Variants in CROCC2 observed in about 807,000 individuals in gnomAD.
The protein encoded by CROCC2 is ciliary rootlet coiled-coil, rootletin family member 2.
A neutral mutation model predicts 177.6 loss-of-function variants in CROCC2; 163 were observed. That is an observed-to-expected ratio of 0.92 (90% confidence interval 0.81 to 1.05). The LOEUF is 1.05. Among genes scored for constraint, CROCC2 ranks in the 50% least tolerant of loss-of-function variants. The pLI is 0.00. For missense variants in CROCC2, 1,929 were observed against 1,797.8 expected (o/e 1.07, Z -1.32); for synonymous variants, 904 against 787.3 (o/e 1.15, Z -2.48).
rs779704821 is a variant in CROCC2, at chr2:240,949,496, T to A, written c.2483-37T>A. Reference sequence around the variant, plus strand: ...GTCCCAAAGGGTTCAGGGGTCCACATGCCAGGCCCTGGTGCATCTCACCCA... The same window carrying A: ...GTCCCAAAGGGTTCAGGGGTCCACAAGCCAGGCCCTGGTGCATCTCACCCA... On this transcript the variant is annotated intron_variant, in intron 16 of 31. Coordinates refer to ENST00000690015, the MANE Select transcript of CROCC2 (RefSeq NM_001351305.2). The surrounding 1 kb of genome is among the most constrained non-coding windows in gnomAD (Gnocchi z 4.5). 2.6e-4 allele frequency: 401 copies of A among 1,545,174 alleles called. No homozygotes were observed. The highest frequency in any genetic ancestry group is 3.3e-4 in the Non-Finnish European group (382 of 1,142,838).
Position 240,965,890 on chromosome 2 carries a change from G to A in CROCC2, c.3858G>A (p.Ala1286=), listed in dbSNP as rs545237489. 1.3e-4 allele frequency: 188 copies of A among 1,435,308 alleles called. No homozygotes were observed. The highest frequency in any genetic ancestry group is 1.1e-3 in the African/African-American group (74 of 69,298). The allele number at this position is 1,435,308 out of a possible 1,614,324, so 88.9% of individuals were successfully genotyped here. The change falls in exon 24 of 32, where the codon GCG becomes GCA. Residue 1286 remains alanine, a synonymous_variant. Transcript: ENST00000690015. Reference sequence around the variant, plus strand: ...AGGCTGAGGGTGCAAGGCAGGATGCGGAGGCCCAGCTGGGCCGGCTGTGCT... The same window carrying A: ...AGGCTGAGGGTGCAAGGCAGGATGCAGAGGCCCAGCTGGGCCGGCTGTGCT... The part of the protein sequence containing the change: ...LAQAEGARQD[A]EAQLGRLCST...
rs1445518474 is a variant in CROCC2 at position 240,932,719 on chromosome 2, C to T, written c.1062C>T (p.Ala354=). 14 of 830,818 alleles carry T rather than the reference C, an allele frequency of 1.7e-5. No homozygotes were observed. The highest frequency in any genetic ancestry group is 2.9e-5 in the Non-Finnish European group (14 of 489,360). The allele number at this position is 830,818 out of a possible 1,614,324, so 51.5% of individuals were successfully genotyped here. A position where few individuals can be genotyped will look rare whatever the true frequency, so the allele number is the denominator to read the frequency against. Reference sequence around the variant, plus strand: ...CCTTGAAGGTGGCCCAGGAGGACGCCCGGTGCCTGGAGCTGGCAGGTAGCA... The same window carrying T: ...CCTTGAAGGTGGCCCAGGAGGACGCTCGGTGCCTGGAGCTGGCAGGTAGCA... ...DLQNLVAQED[A]RCLELAGSSI... Residue 354 remains alanine, a synonymous_variant, in exon 9 of 32, where the codon GCC becomes GCT. Transcript: ENST00000690015.
chr2:240,993,157 G>A lies in CROCC2; in HGVS notation c.*76G>A. 1.4e-6 allele frequency: 1 copy of A among 704,484 alleles called. No individual in the cohort carries two copies. The highest frequency in any genetic ancestry group is 2.7e-6 in the Non-Finnish European group (1 of 376,730). 43.6% of individuals were successfully genotyped at this position (704,484 alleles called of 1,614,324 possible). On this transcript the variant is annotated 3_prime_UTR_variant, in exon 32 of 32. Transcript: ENST00000690015. The stretch of plus-strand genomic sequence containing the variant: ...CACCGCAGGTGGGAGGGGCCCAGCT[G>A]ATTTCTCAGCGTCACAGTGAAAGGC...
intron 14 of CROCC2, among the ~76,000 whole-genome samples, chr2:240,936,727 C>G (rs955598913): frequency 1.3e-5 from 2 of 152,238 alleles, no homozygotes; most frequent in Non-Finnish European, 2.9e-5. Context: ...AATTCTCTGC[C>G]TGAACCCTGC....
chr2:240,925,356 C>T (rs993432318), intron 4 of CROCC2, among the ~76,000 whole-genome samples: 2 of 152,138 alleles, frequency 1.3e-5, no homozygotes, highest in African/African-American at 4.8e-5. Context: ...ACTCCCTCTC[C>T]GCGTCACCCC....
Position 240,973,642 on chromosome 2 carries a change from G to A in CROCC2, c.4401+5380G>A, listed in dbSNP as rs528705181. Among the ~76,000 whole-genome samples, 29 of 152,124 alleles carry A rather than the reference G, an allele frequency of 1.9e-4. No individual in the cohort carries two copies. Among genetic ancestry groups the A allele is most frequent in the South Asian group, 1.0e-3 (5 of 4,822 alleles). ...TCAGTCACAGGTTCTAAAAGTTTCC[G>A]GGGTCCACATATGCCCACAGCTAGC... On this transcript the variant is annotated intron_variant, in intron 27 of 31. Coordinates refer to ENST00000690015, the MANE Select transcript of CROCC2 (RefSeq NM_001351305.2). This position sits in a 1 kb window ranked among gnomAD's most constrained non-coding sequence, Gnocchi z 4.7.
At chr2:240,935,101 T>C in intron 13 of CROCC2, 39 bp downstream of exon 13, 5 of 1,325,424 alleles carry the variant, frequency 3.8e-6, no homozygotes, top group Non-Finnish European at 4.9e-6. Context: ...CGCTGGAACC[T>C]GTTTCCCAGG....
In CROCC2 at chr2:240,933,787, G is replaced by T; in HGVS notation, c.1581G>T (p.Leu527=). ...EAAELQRSLL[L]QAERREELAL... is the part of the protein sequence containing the mutation. ...CAGAGCTGCAGAGAAGCCTCCTGCT[G>T]CAGGCAGAGCGGAGGGAGGAGCTGG... Residue 527 remains leucine (L), a synonymous_variant, in exon 11 of 32, where the codon CTG becomes CTT. Transcript: ENST00000690015. 6.5e-7 allele frequency: 1 copy of T among 1,549,140 alleles called. No homozygotes were observed. The highest frequency in any genetic ancestry group is 8.7e-7 in the Non-Finnish European group (1 of 1,146,770).
At chr2:240,988,981 C>T (rs1157619230) in intron 29 of CROCC2, 111 bp downstream of exon 29, 8 of 1,140,702 alleles carry the variant, frequency 7.0e-6, no homozygotes, top group Admixed American at 7.5e-5. Context: ...CCATCTCACA[C>T]GTGCACACAT....
Position 240,949,427 on chromosome 2 carries a change from T to G in CROCC2, c.2483-106T>G. On this transcript the variant is annotated intron_variant, in intron 16 of 31. Coordinates refer to ENST00000690015, the MANE Select transcript of CROCC2 (RefSeq NM_001351305.2). This position sits in a 1 kb window ranked among gnomAD's most constrained non-coding sequence, Gnocchi z 4.5. ...GTGCTGGCCACCCACTCCCGGAGCC[T>G]GGAGTGGACAGTGCTTGCCCCCAAG... 1 of 1,348,210 alleles carries G rather than the reference T, an allele frequency of 7.4e-7. No homozygotes were observed. The highest frequency in any genetic ancestry group is 1.0e-6 in the Non-Finnish European group (1 of 987,178). The allele number at this position is 1,348,210 out of a possible 1,614,324, so 83.5% of individuals were successfully genotyped here.
rs1237131018 is a variant in CROCC2 at position 240,963,678 on chromosome 2, G to A, written c.3210G>A (p.Arg1070=). 1.3e-6 allele frequency: 2 copies of A among 1,550,058 alleles called. No individual in the cohort carries two copies. The highest frequency in any genetic ancestry group is 3.9e-5 in the Admixed American group (2 of 50,980). The part of the protein sequence containing the change: ...GLHREAQEAR[R]ALSDEAREKD... ...ACAGGGAGGCCCAGGAGGCCCGCCGGGCGCTGAGTGACGAGGCCCGCGAGA... is the reference window on the plus strand; with the variant it reads ...ACAGGGAGGCCCAGGAGGCCCGCCGAGCGCTGAGTGACGAGGCCCGCGAGA... The change falls in exon 21 of 32, where the codon CGG becomes CGA. Residue 1070 remains arginine, a synonymous_variant. Transcript: ENST00000690015.
rs536051766 is a variant in CROCC2, at chr2:240,909,350, G to C, written c.78+2759G>C. 1.6e-3 allele frequency among the ~76,000 whole-genome samples: 234 copies of C among 150,170 alleles called. 2 individuals carry two copies. The highest frequency in any genetic ancestry group is 6.8e-3 in the Middle Eastern group (2 of 294). ...GCTCTACCTCCTCCACCTGGGGTGA[G>C]CTCTACCTCCTCCACCTCAGGTGAC... On this transcript the variant is annotated intron_variant, in intron 1 of 31. Transcript: ENST00000690015.
In CROCC2 at chr2:240,918,772, G is replaced by C; in HGVS notation, c.125G>C (p.Arg42Pro). The change falls in exon 2 of 32, where the codon CGG becomes CCG. Residue 42 changes from arginine to proline, a missense_variant. By Grantham distance (103) the Arg-to-Pro change is moderately radical (BLOSUM62 -2). Coordinates refer to ENST00000690015, the MANE Select transcript of CROCC2 (RefSeq NM_001351305.2). The surrounding 1 kb of genome is among the most constrained non-coding windows in gnomAD (Gnocchi z 6.3). ...ILSPTASRED[R>P]ALTVRGEGRQ... ...AGTCCCACAGCCAGCAGGGAAGACCGGGCGCTGACCGTGCGTGGGGAAGGC... is the reference window on the plus strand; with the variant it reads ...AGTCCCACAGCCAGCAGGGAAGACCCGGCGCTGACCGTGCGTGGGGAAGGC... 1 of 588,230 alleles carries C rather than the reference G, an allele frequency of 1.7e-6. No homozygotes were observed. Among genetic ancestry groups the C allele is most frequent in the African/African-American group, 2.0e-5 (1 of 50,832 alleles). 36.4% of individuals were successfully genotyped at this position (588,230 alleles called of 1,614,324 possible).
intron 1 of CROCC2, among the ~76,000 whole-genome samples, chr2:240,913,397 G>A (rs2059300287): frequency 6.6e-6 from 1 of 152,196 alleles, no homozygotes; most frequent in Admixed American, 6.5e-5. Context: ...GAAAGACAGG[G>A]TCCTTGCCCT....
intron 5 of CROCC2, among the ~76,000 whole-genome samples, chr2:240,927,410 G>C (rs562591597): frequency 7.2e-5 from 11 of 152,302 alleles, no homozygotes; most frequent in African/African-American, 2.6e-4. Flanking sequence ...GGCTAGACAT[G>C]TGTTAGCCAT....
chr2:240,933,107 C>T, intron 9 of CROCC2, 24 bp from the exon 10 acceptor site: 2 of 1,549,760 alleles, frequency 1.3e-6, no homozygotes, highest in South Asian at 1.2e-5. Flanking sequence ...CCAGAGAGGC[C>T]CACAACTTAC....
intron 8 of CROCC2, 37 bp downstream of exon 8, chr2:240,932,451 G>A (rs1574757973): frequency 1.4e-6 from 1 of 717,144 alleles, no homozygotes; most frequent in African/African-American, 1.7e-5. Flanking sequence ...TGTGGCAGGG[G>A]TCTGTCACCC....
In CROCC2 at chr2:240,958,269, G is replaced by A. The variant is rs2059606466; in HGVS notation, c.2944-1032G>A. 2.3e-6 allele frequency: 2 copies of A among 881,464 alleles called. No homozygotes were observed. The highest frequency in any genetic ancestry group is 2.7e-6 in the Non-Finnish European group (2 of 734,842). 54.6% of individuals were successfully genotyped at this position (881,464 alleles called of 1,614,324 possible). ...GAGGCCCTCACAGGGGTATCCTGCA[G>A]CCAGGCCTCAGGGGCACCCATCACT... On this transcript the variant is annotated intron_variant, in intron 19 of 31. Transcript: ENST00000690015. This position sits in a 1 kb window ranked among gnomAD's most constrained non-coding sequence, Gnocchi z 6.7.
At chr2:240,955,807 C>A in intron 18 of CROCC2, 52 bp from the exon 19 acceptor site, 1 of 1,316,322 alleles carries the variant, frequency 7.6e-7, no homozygotes, top group Non-Finnish European at 1.1e-6. Context: ...GGGGCCTCTT[C>A]CCTCCCCCGA....
Sources: gnomAD v4.1 joint callset for allele counts (sites outside exome capture counted in the v4.1 genomes callset) on GRCh38, gnomAD v4.1.1 for gene constraint, Gnocchi (gnomAD v3.1) non-coding constraint, MANE v1.5 for transcripts, NCBI Gene and HGNC (gene_info 2026-07-23, HGNC 2026-07-21) for gene names.